Variants in ROBO2 observed in about 807,000 individuals in gnomAD.
ROBO2 encodes roundabout guidance receptor 2.
ROBO2 carries 53 observed loss-of-function variants against 160.8 expected under a neutral mutation model. The ratio of observed to expected loss-of-function variants is 0.33; its 90% confidence interval spans 0.26 to 0.41. The LOEUF (loss-of-function observed/expected upper bound fraction) is 0.41. Ranked by LOEUF, ROBO2 falls within the 10% of genes least tolerant of loss-of-function variation. The pLI, the probability that ROBO2 is intolerant of heterozygous loss-of-function variation, is 1.00. For missense variants in ROBO2, 1,577 were observed against 1,722.4 expected, an observed-to-expected ratio of 0.92 and a Z score of 1.49; for synonymous variants, 664 against 611.7, an observed-to-expected ratio of 1.09 and a Z score of -1.26.
intron 2 of ROBO2, among the ~76,000 whole-genome samples, chr3:76,867,784 T>G (rs1336723996): frequency 6.6e-6 from 1 of 152,316 alleles, no homozygotes; most frequent in African/African-American, 2.4e-5. Flanking sequence ...GCTCATTGCA[T>G]GAGCCTTGGG....
chr3:76,737,895 C>T (rs989470206), intron 2 of ROBO2, among the ~76,000 whole-genome samples: 3 of 152,124 alleles, frequency 2.0e-5, no homozygotes, highest in Admixed American at 2.0e-4. Context: ...ACCTGTAATT[C>T]CAGCACTTTG....
At chr3:76,924,269 T>C (rs1248362088) in intron 2 of ROBO2, among the ~76,000 whole-genome samples, 6 of 152,170 alleles carry the variant, frequency 3.9e-5, no homozygotes, top group Admixed American at 3.9e-4. Flanking sequence ...TGCGATGGTA[T>C]TGGGAGGCTG....
intron 2 of ROBO2, among the ~76,000 whole-genome samples, chr3:76,433,354 TATAA>T (rs1181050915): frequency 1.3e-5 from 2 of 152,186 alleles, no homozygotes; most frequent in East Asian, 1.9e-4. Flanking sequence ...CAATATTTAG[TATAA>T]ATAAACTAAA....
chr3:76,081,052 C>A (rs1178060576), intron 2 of ROBO2, among the ~76,000 whole-genome samples: 1 of 151,854 alleles, frequency 6.6e-6, no homozygotes, highest in Admixed American at 6.6e-5. Context: ...GGCTTTGTGG[C>A]AAGAAATCAG....
chr3:77,032,869 C>T (rs1220220512), intron 2 of ROBO2, among the ~76,000 whole-genome samples: 1 of 152,140 alleles, frequency 6.6e-6, no homozygotes, highest in African/African-American at 2.4e-5. Context: ...GCCTGGATTC[C>T]ATTGGCCAGA....
chr3:76,790,670 A>C (rs1228480724), intron 2 of ROBO2, among the ~76,000 whole-genome samples: 1 of 151,750 alleles, frequency 6.6e-6, no homozygotes, highest in African/African-American at 2.4e-5. Context: ...GCATTTCCCA[A>C]ATTAAACATA....
chr3:76,339,707 C>T (rs1163872151), intron 2 of ROBO2, among the ~76,000 whole-genome samples: 8 of 152,022 alleles, frequency 5.3e-5, no homozygotes, highest in Non-Finnish European at 1.2e-4. Flanking sequence ...GTATAGTAAA[C>T]GCATGCTGTG....
chr3:76,633,292 C>T (rs1278368189), intron 2 of ROBO2, among the ~76,000 whole-genome samples: 1 of 152,106 alleles, frequency 6.6e-6, no homozygotes, highest in Non-Finnish European at 1.5e-5. Flanking sequence ...CCCACCCCCG[C>T]ACATGAAATC....
At chr3:75,960,624 A>G (rs1576305649) in intron 2 of ROBO2, among the ~76,000 whole-genome samples, 1 of 151,854 alleles carries the variant, frequency 6.6e-6, no homozygotes, top group African/African-American at 2.4e-5. Context: ...GAAATGTGGT[A>G]TGCTAAATGA....
chr3:77,359,847 A>AT (rs1347850648), intron 2 of ROBO2, among the ~76,000 whole-genome samples: 2 of 151,656 alleles, frequency 1.3e-5, no homozygotes, highest in Non-Finnish European at 2.9e-5. Context: ...CTCACCAAAT[A>AT]TTTTTATCGT....
intron 2 of ROBO2, among the ~76,000 whole-genome samples, chr3:76,249,987 A>G (rs1705889031): frequency 6.6e-6 from 1 of 152,080 alleles, no homozygotes; most frequent in Non-Finnish European, 1.5e-5. Context: ...TAAGTTTCCA[A>G]CAGTAAGATA....
Position 77,635,126 on chromosome 3 carries a change from G to A in ROBO2, c.3934+83G>A, listed in dbSNP as rs985201104. 14 of 1,475,018 alleles carry A rather than the reference G, an allele frequency of 9.5e-6. No homozygotes were observed. In the African/African-American group the frequency reaches 1.8e-4, roughly 19 times the overall value. The allele number at this position is 1,475,018 out of a possible 1,614,324, so 91.4% of individuals were successfully genotyped here. A position where few individuals can be genotyped will look rare whatever the true frequency, so the allele number is the denominator to read the frequency against. ...ATTTACTTAGATTAATGTAGTCATG[G>A]TAGATTAGCCATTGCTTCATTACAT... is the stretch of plus-strand genomic sequence containing the variant. On this transcript the variant is annotated intron_variant, in intron 24 of 25. Transcript: ENST00000461745.
intron 2 of ROBO2, among the ~76,000 whole-genome samples, chr3:76,389,768 T>C (rs1372387474): frequency 6.6e-6 from 1 of 152,108 alleles, no homozygotes; most frequent in East Asian, 1.9e-4. Context: ...CTTTCCTTTG[T>C]TACATACATC....
At chr3:77,196,529 A>T (rs933895949) in intron 2 of ROBO2, among the ~76,000 whole-genome samples, 1 of 152,026 alleles carries the variant, frequency 6.6e-6, no homozygotes, top group Non-Finnish European at 1.5e-5. Context: ...GCAGAACTCA[A>T]CAAATAGTTA....
intron 2 of ROBO2, among the ~76,000 whole-genome samples, chr3:76,449,835 G>T (rs1370571011): frequency 6.6e-6 from 1 of 152,004 alleles, no homozygotes; most frequent in Non-Finnish European, 1.5e-5. Context: ...TTTTAGAGAG[G>T]TTGAGTTTAT....
At chr3:77,158,974 G>A (rs1028921454) in intron 2 of ROBO2, among the ~76,000 whole-genome samples, 10 of 152,052 alleles carry the variant, frequency 6.6e-5, no homozygotes, top group African/African-American at 2.4e-4. Flanking sequence ...GCAGTAGTAC[G>A]TTATCATTAA....
At chr3:77,034,393 A>G (rs1328145121) in intron 2 of ROBO2, among the ~76,000 whole-genome samples, 2 of 151,434 alleles carry the variant, frequency 1.3e-5, no homozygotes, top group Non-Finnish European at 1.5e-5. Context: ...AAAAAAAAAA[A>G]AAGAAAACAA....
chr3:77,480,769 G>A (rs1262094758), intron 3 of ROBO2, among the ~76,000 whole-genome samples: 1 of 151,990 alleles, frequency 6.6e-6, no homozygotes, highest in African/African-American at 2.4e-5. Context: ...TCTTTCTGAT[G>A]ACAAATGACA....
chr3:76,221,920 C>CA (rs1293341917), intron 2 of ROBO2, among the ~76,000 whole-genome samples: 1 of 152,114 alleles, frequency 6.6e-6, no homozygotes, highest in Non-Finnish European at 1.5e-5. Context: ...CCAATAAGCA[C>CA]AAAATGCTGC....
Sources: gnomAD v4.1 joint callset for allele counts (sites outside exome capture counted in the v4.1 genomes callset) on GRCh38, gnomAD v4.1.1 for gene constraint, MANE v1.5 for transcripts, NCBI Gene and HGNC (gene_info 2026-07-23, HGNC 2026-07-21) for gene names.